The following DNAJC27 variants were observed in gnomAD, a reference collection of about 807,000 sequenced individuals.
DNAJC27 encodes the protein dnaJ homolog subfamily C member 27.
In DNAJC27, 25 loss-of-function variants were observed where a neutral mutation model predicts 31.4. That is an observed-to-expected ratio of 0.80 (90% CI 0.58 to 1.11). The LOEUF (loss-of-function observed/expected upper bound fraction) is 1.11, where lower values mean the gene tolerates loss of function less well. Among genes scored for constraint, DNAJC27 ranks in the 50% most tolerant of loss-of-function variants. The pLI is 0.00. For missense variants in DNAJC27, 356 were observed against 347.3 expected (o/e 1.02, Z -0.20); for synonymous variants, 106 against 112.7 (o/e 0.94, Z 0.37).
At chr2:24,964,957 G>A (rs1666143243) in intron 2 of DNAJC27, among the ~76,000 whole-genome samples, 2 of 151,984 alleles carry the variant, frequency 1.3e-5, no homozygotes, top group South Asian at 2.1e-4. Context: ...CCTGTAATCC[G>A]AACACTTTGG....
intron 3 of DNAJC27, among the ~76,000 whole-genome samples, chr2:24,959,496 A>T (rs533798264): frequency 6.6e-6 from 1 of 152,286 alleles, no homozygotes; most frequent in East Asian, 1.9e-4. Context: ...TGCACACAGG[A>T]AACCCCTCAA....
At chr2:24,965,368 A>G (rs1666154991) in intron 2 of DNAJC27, among the ~76,000 whole-genome samples, 1 of 151,822 alleles carries the variant, frequency 6.6e-6, no homozygotes, top group African/African-American at 2.4e-5. Flanking sequence ...TGATTCTCCC[A>G]CCTCAGCCTC....
At chr2:24,949,459 T>C (rs1177799348) in intron 6 of DNAJC27, among the ~76,000 whole-genome samples, 1 of 152,182 alleles carries the variant, frequency 6.6e-6, no homozygotes, top group Non-Finnish European at 1.5e-5. Flanking sequence ...TCTCAAGATG[T>C]AACAAATACA....
chr2:24,972,059 G>A, upstream of DNAJC27: 1 of 560,654 alleles, frequency 1.8e-6, no homozygotes. Context: ...AGCAGGCGCG[G>A]GCGGTTGGGA....
intron 3 of DNAJC27, among the ~76,000 whole-genome samples, chr2:24,962,871 CCTT>C (rs778955825): frequency 6.6e-6 from 1 of 151,988 alleles, no homozygotes; most frequent in Non-Finnish European, 1.5e-5. Context: ...CAAAAAACCT[CCTT>C]AAGAAAAATG....
intron 3 of DNAJC27, among the ~76,000 whole-genome samples, chr2:24,961,439 AT>A (rs1666038062): frequency 6.6e-6 from 1 of 152,168 alleles, no homozygotes; most frequent in Non-Finnish European, 1.5e-5. Flanking sequence ...GGATCAAGGA[AT>A]AATTTTGACT....
Position 24,970,775 on chromosome 2 carries a change from C to T in DNAJC27, c.87+1043G>A, listed in dbSNP as rs1256472573. 4.6e-5 allele frequency among the ~76,000 whole-genome samples: 7 copies of T among 151,996 alleles called. No homozygotes were observed. The East Asian group carries it at 1.4e-3, about 29-fold the overall frequency. ...CCCAGTCCCTAGAAAAAAAAAAACACCTCGTACACAGCTGACGTTCAAAAA... is the reference window on the plus strand; with the variant it reads ...CCCAGTCCCTAGAAAAAAAAAAACATCTCGTACACAGCTGACGTTCAAAAA... On this transcript the variant is annotated intron_variant, in intron 1 of 6. Coordinates refer to ENST00000264711, the MANE Select transcript of DNAJC27 (RefSeq NM_016544.3).
chr2:24,970,763 A>G (rs1666311878), intron 1 of DNAJC27, among the ~76,000 whole-genome samples: 1 of 151,024 alleles, frequency 6.6e-6, no homozygotes. Flanking sequence ...AGTCCCTAGA[A>G]AAAAAAAAAC....
At chr2:24,957,716 A>T in intron 4 of DNAJC27, 94 bp downstream of exon 4, 2 of 1,173,784 alleles carry the variant, frequency 1.7e-6, no homozygotes, top group Non-Finnish European at 2.4e-6. Flanking sequence ...TCCATATTAC[A>T]CAATAAGGAA....
chr2:24,956,976 T>A lies in DNAJC27; in HGVS notation c.528+67A>T, dbSNP rs558368989. Reference sequence around the variant, plus strand: ...ATTCCTATTACTTTTTTGCTTCCTATAATTTAAACTGAAAATTGGCACAGT... The same window carrying A: ...ATTCCTATTACTTTTTTGCTTCCTAAAATTTAAACTGAAAATTGGCACAGT... On this transcript the variant is annotated intron_variant, in intron 5 of 6. Coordinates refer to ENST00000264711, the MANE Select transcript of DNAJC27 (RefSeq NM_016544.3). The A allele has an allele frequency of 5.0e-3, 7,753 of 1,557,870 alleles. 33 individuals carry two copies. The highest frequency in any genetic ancestry group is 6.9e-3 in the Middle Eastern group (41 of 5,930).
intron 1 of DNAJC27, among the ~76,000 whole-genome samples, chr2:24,968,507 T>C (rs1558557811): frequency 6.6e-6 from 1 of 151,484 alleles, no homozygotes; most frequent in African/African-American, 2.4e-5. Context: ...TATTTATTTA[T>C]TTATTATTAT....
rs1344090450 is a variant in DNAJC27 at position 24,951,395 on chromosome 2, T to A, written c.688A>T (p.Arg230Trp). The A allele has an allele frequency of 6.2e-7, 1 of 1,611,222 alleles. No homozygotes were observed. Among genetic ancestry groups the A allele is most frequent in the Admixed American group, 1.7e-5 (1 of 59,602 alleles). The change falls in exon 6 of 7, where the codon AGG becomes TGG. Residue 230 changes from arginine (R) to tryptophan (W), a missense_variant and splice_region_variant. Arg to Trp is a moderately radical substitution (Grantham distance 101). Coordinates refer to ENST00000264711, the MANE Select transcript of DNAJC27 (RefSeq NM_016544.3). Reference protein sequence around the residue: ...DMLGVKPGASRDEVNKAYRKL... With the variant: ...DMLGVKPGASWDEVNKAYRKL... The stretch of plus-strand genomic sequence containing the variant: ...CACTAAGTATCCCAGAGCGCTTACC[T>A]TGAGGCCCCAGGTTTGACTCCCAGC...
intron 1 of DNAJC27, 21 bp downstream of exon 1, chr2:24,971,797 C>T: frequency 6.3e-7 from 1 of 1,591,734 alleles, no homozygotes; most frequent in Non-Finnish European, 8.5e-7. Flanking sequence ...GGGCCCGCCC[C>T]TCCCGGCTCG....
chr2:24,967,758 A>G (rs934955572), intron 1 of DNAJC27, among the ~76,000 whole-genome samples: 1 of 151,802 alleles, frequency 6.6e-6, no homozygotes, highest in Non-Finnish European at 1.5e-5. Flanking sequence ...AAAGATTTTA[A>G]GAAAAATTAT....
intron 2 of DNAJC27, among the ~76,000 whole-genome samples, chr2:24,964,891 G>A (rs765294283): frequency 2.0e-4 from 30 of 152,136 alleles, no homozygotes; most frequent in Non-Finnish European, 3.8e-4. Flanking sequence ...AAGCAGGAAA[G>A]AGGAAAAGAA....
In DNAJC27 at chr2:24,945,880, A is replaced by G. The variant is rs927516376; in HGVS notation, c.*1736T>C. On this transcript the variant is annotated 3_prime_UTR_variant, in exon 7 of 7. Coordinates refer to ENST00000264711, the MANE Select transcript of DNAJC27 (RefSeq NM_016544.3). Reference sequence around the variant, plus strand: ...ATCCACAAGGCTGCAGTGGGCTTGGATTGGAAGAAAGTGGCTTTTCTTCTT... The same window carrying G: ...ATCCACAAGGCTGCAGTGGGCTTGGGTTGGAAGAAAGTGGCTTTTCTTCTT... 1 of 152,206 alleles carries G rather than the reference A, an allele frequency of 6.6e-6. No individual in the cohort carries two copies. The highest frequency in any genetic ancestry group is 1.5e-5 in the Non-Finnish European group (1 of 68,042). The allele number at this position is 152,206 out of a possible 1,614,324, so 9.4% of individuals were successfully genotyped here.
chr2:24,967,797 T>A (rs1235408626), intron 1 of DNAJC27, among the ~76,000 whole-genome samples: 2 of 152,166 alleles, frequency 1.3e-5, no homozygotes, highest in Non-Finnish European at 2.9e-5. Context: ...TTACTAAATA[T>A]GCATATGTTT....
In DNAJC27 at chr2:24,971,953, G is replaced by T; in HGVS notation, c.-49C>A. The T allele has an allele frequency of 7.1e-7, 1 of 1,410,074 alleles. No homozygotes were observed. The highest frequency in any genetic ancestry group is 9.5e-7 in the Non-Finnish European group (1 of 1,049,372). 87.3% of individuals were successfully genotyped at this position (1,410,074 alleles called of 1,614,324 possible). ...CCGCCTCGGTCTCTTCTTGTGCACC[G>T]CTGGCCCGTCCCTCAGGCCTCCTCG... is the stretch of plus-strand genomic sequence containing the variant. On this transcript the variant is annotated 5_prime_UTR_variant, in exon 1 of 7. Coordinates refer to ENST00000264711, the MANE Select transcript of DNAJC27 (RefSeq NM_016544.3).
intron 1 of DNAJC27, 69 bp downstream of exon 1, chr2:24,971,749 G>T: frequency 1.4e-6 from 2 of 1,397,124 alleles, no homozygotes; most frequent in Non-Finnish European, 1.9e-6. Context: ...TTGAGTGGCC[G>T]CCCTTCCAGC....
Sources: gnomAD v4.1 joint callset for allele counts (sites outside exome capture counted in the v4.1 genomes callset) on GRCh38, gnomAD v4.1.1 for gene constraint, MANE v1.5 for transcripts, NCBI Gene and HGNC (gene_info 2026-07-23, HGNC 2026-07-21) for gene names.